The following KAT14 variants were observed in gnomAD, a reference collection of about 807,000 sequenced individuals.
KAT14 encodes the protein cysteine-rich protein 2-binding protein.
Under a neutral mutation model 78.4 loss-of-function variants are expected in KAT14, and 66 were observed. The ratio of observed to expected loss-of-function variants is 0.84; its 90% CI spans 0.69 to 1.03. KAT14 has a LOEUF of 1.03. Ranked by LOEUF, KAT14 falls within the 50% of genes least tolerant of loss-of-function variation. The pLI, the probability that KAT14 is intolerant of heterozygous loss-of-function variation, is 0.00. For synonymous variants in KAT14, 344 were observed against 359.4 expected, an observed-to-expected ratio of 0.96 and a Z score of 0.48; for missense variants, 870 against 972.5, an observed-to-expected ratio of 0.89 and a Z score of 1.40.
intron 1 of KAT14, among the ~76,000 whole-genome samples, chr20:18,140,101 C>T (rs935524983): frequency 2.6e-5 from 4 of 152,018 alleles, no homozygotes; most frequent in Admixed American, 2.6e-4. Flanking sequence ...ATCATAAGCA[C>T]ACGTGACATC....
intron 7 of KAT14, among the ~76,000 whole-genome samples, chr20:18,180,363 C>G (rs1354888344): frequency 6.6e-6 from 1 of 152,210 alleles, no homozygotes; most frequent in African/African-American, 2.4e-5. Context: ...CCACCTCAGC[C>G]TGGACCTTAT....
intron 7 of KAT14, among the ~76,000 whole-genome samples, chr20:18,164,919 G>A (rs1461166790): frequency 1.3e-5 from 2 of 152,038 alleles, no homozygotes; most frequent in Admixed American, 6.5e-5. Flanking sequence ...ATTGCGCCTG[G>A]CCAATATTCA....
intron 1 of KAT14, among the ~76,000 whole-genome samples, chr20:18,141,825 G>A (rs1176748831): frequency 1.1e-4 from 16 of 152,134 alleles, no homozygotes; most frequent in African/African-American, 3.4e-4. Context: ...TGGAGGTTGC[G>A]GTGAGCTGCG....
chr20:18,170,397 G>T (rs2038802424), intron 7 of KAT14, among the ~76,000 whole-genome samples: 1 of 152,092 alleles, frequency 6.6e-6, no homozygotes, highest in South Asian at 2.1e-4. Flanking sequence ...AAATCTTAGG[G>T]CCCTTATAAA....
At chr20:18,150,759 C>T in intron 3 of KAT14, 62 bp from the exon 4 acceptor site, 2 of 1,603,448 alleles carry the variant, frequency 1.2e-6, no homozygotes, top group Non-Finnish European at 8.5e-7. Flanking sequence ...AGCTTTTCCC[C>T]CCTCAAGATT....
At position 18,181,011 on chromosome 20, in the gene KAT14, C is replaced by T. The variant is rs370118751; in HGVS notation, c.1669-699C>T. On this transcript the variant is annotated intron_variant, in intron 7 of 10. Coordinates refer to ENST00000688188, the MANE Select transcript of KAT14 (RefSeq NM_001392073.1). ...ATAACAGAGCAATCATATAATATGA[C>T]TCATGTGTGTGTTACCTACTTGATA... 5.3e-5 allele frequency among the ~76,000 whole-genome samples: 8 copies of T among 152,180 alleles called. 1 individual carries two copies. The South Asian group carries it at 1.7e-3, about 32-fold the overall frequency.
rs1255831857 is a variant in KAT14 at position 18,161,946 on chromosome 20, A to G, written c.806A>G (p.Asp269Gly). Reference protein sequence around the residue: ...EKRSRTQEAKDIRRAQKEAAG... With the variant: ...EKRSRTQEAKGIRRAQKEAAG... ...AGGTCTCGAACTCAGGAAGCAAAAG[A>G]CATTAGAAGAGCCCAGAAGGAGGCC... The change falls in exon 6 of 11, where the codon GAC (aspartate) becomes GGC (glycine). Residue 269 changes from aspartate (D) to glycine (G), a missense_variant. Physicochemically the swap from Asp to Gly is moderately conservative, Grantham distance 94. Coordinates refer to ENST00000688188, the MANE Select transcript of KAT14 (RefSeq NM_001392073.1). 6.2e-7 allele frequency: 1 copy of G among 1,614,276 alleles called. No individual in the cohort carries two copies. The highest frequency in any genetic ancestry group is 2.2e-5 in the East Asian group (1 of 44,890).
At position 18,187,825 on chromosome 20, in the gene KAT14, G is replaced by A. The variant is rs1023188559; in HGVS notation, c.*366G>A. ...AACTTAAAGGATGAGAAAATGTGGT[G>A]TAGCTATTAAAGATTCATGCAGTCC... On this transcript the variant is annotated 3_prime_UTR_variant, in exon 11 of 11. Coordinates refer to ENST00000688188, the MANE Select transcript of KAT14 (RefSeq NM_001392073.1). 7.4e-6 allele frequency: 2 copies of A among 268,670 alleles called. No homozygotes were observed. The highest frequency in any genetic ancestry group is 2.8e-4 in the East Asian group (2 of 7,174). The allele number at this position is 268,670 out of a possible 1,614,324, so 16.6% of individuals were successfully genotyped here. A position where few individuals can be genotyped will look rare whatever the true frequency, so the allele number is the denominator to read the frequency against.
intron 7 of KAT14, among the ~76,000 whole-genome samples, chr20:18,170,587 TGCAGTGGC>T (rs1432253130): frequency 2.0e-5 from 3 of 152,226 alleles, no homozygotes; most frequent in African/African-American, 7.2e-5. Context: ...CAGGCTGGAG[TGCAGTGGC>T]GCAATCTCGG....
At position 18,142,415 on chromosome 20, in the gene KAT14, G is replaced by A; in HGVS notation, c.-246G>A. 1.3e-6 allele frequency: 2 copies of A among 1,505,850 alleles called. No individual in the cohort carries two copies. Among genetic ancestry groups the A allele is most frequent in the Non-Finnish European group, 1.8e-6 (2 of 1,130,772 alleles). The allele number at this position is 1,505,850 out of a possible 1,614,324, so 93.3% of individuals were successfully genotyped here. A position where few individuals can be genotyped will look rare whatever the true frequency, so the allele number is the denominator to read the frequency against. On this transcript the variant is annotated 5_prime_UTR_variant, in exon 2 of 11. Coordinates refer to ENST00000688188, the MANE Select transcript of KAT14 (RefSeq NM_001392073.1). ...ACGAGTTTGTGTGTGTGTGTTGATG[G>A]AGAGTAGCTTAGTAGTATCTTCATC...
chr20:18,177,557 G>A (rs2039091822), intron 7 of KAT14, among the ~76,000 whole-genome samples: 1 of 152,148 alleles, frequency 6.6e-6, no homozygotes, highest in Admixed American at 6.5e-5. Flanking sequence ...CCTTGAAACT[G>A]ACTTTAAGCC....
At chr20:18,170,909 G>A (rs944798385) in intron 7 of KAT14, among the ~76,000 whole-genome samples, 11 of 152,158 alleles carry the variant, frequency 7.2e-5, no homozygotes, top group Non-Finnish European at 1.0e-4. Flanking sequence ...CTGATTGAGA[G>A]GTTTAAGATT....
intron 3 of KAT14, among the ~76,000 whole-genome samples, chr20:18,146,110 C>T (rs747282962): frequency 2.0e-5 from 3 of 152,198 alleles, no homozygotes; most frequent in Non-Finnish European, 4.4e-5. Context: ...GCACCCTAAT[C>T]TAAGTCAGCT....
rs1424339154 is a variant in KAT14, at chr20:18,138,066, A to G, written c.-454+15A>G. The G allele has an allele frequency of 2.7e-6, 4 of 1,464,656 alleles. No homozygotes were observed. The highest frequency in any genetic ancestry group is 1.5e-5 in the African/African-American group (1 of 67,786). 90.7% of individuals were successfully genotyped at this position (1,464,656 alleles called of 1,614,324 possible). A position where few individuals can be genotyped will look rare whatever the true frequency, so the allele number is the denominator to read the frequency against. On this transcript the variant is annotated intron_variant, in intron 1 of 10. Transcript: ENST00000688188. ...GGGACCAGCAGGTCGGTGTCACGTG[A>G]CCGTCTCTTCCGGGCCCGCGCGCGC...
intron 7 of KAT14, among the ~76,000 whole-genome samples, chr20:18,179,796 G>A (rs1267615259): frequency 2.0e-5 from 3 of 152,194 alleles, no homozygotes; most frequent in Non-Finnish European, 2.9e-5. Flanking sequence ...TTGTCAGGCT[G>A]CAACTTTTCT....
chr20:18,162,806 T>C lies in KAT14; in HGVS notation c.1529T>C (p.Leu510Ser). Reference sequence around the variant, plus strand: ...GATAGGGGATTACCACTTTTTGACTTGGATCAAGTTGTTAATGCTGCTCTT... The same window carrying C: ...GATAGGGGATTACCACTTTTTGACTCGGATCAAGTTGTTAATGCTGCTCTT... The part of the protein sequence containing the change: ...KRDRGLPLFD[L>S]DQVVNAALLL... Residue 510 changes from leucine to serine, a missense_variant, in exon 7 of 11, where the codon TTG becomes TCG. Coordinates refer to ENST00000688188, the MANE Select transcript of KAT14 (RefSeq NM_001392073.1). 1 of 1,614,234 alleles carries C rather than the reference T, an allele frequency of 6.2e-7. No individual in the cohort carries two copies. Among genetic ancestry groups the C allele is most frequent in the South Asian group, 1.1e-5 (1 of 91,090 alleles).
At position 18,164,611 on chromosome 20, in the gene KAT14, C is replaced by CT. The variant is rs1568669495; in HGVS notation, c.1668+1668dup. On this transcript the variant is annotated intron_variant, in intron 7 of 10. Coordinates refer to ENST00000688188, the MANE Select transcript of KAT14 (RefSeq NM_001392073.1). Reference sequence around the variant, plus strand: ...TTTGTTAGTCATCTATTCACTTGTTCTTGTTCTTTTTTTTTTTTTTTTTGA... The same window carrying CT: ...TTTGTTAGTCATCTATTCACTTGTTCTTTGTTCTTTTTTTTTTTTTTTTTGA... 4.7e-5 allele frequency among the ~76,000 whole-genome samples: 2 copies of CT among 42,492 alleles called. 1 individual carries two copies. Among genetic ancestry groups the CT allele is most frequent in the Non-Finnish European group, 1.1e-4 (2 of 17,942 alleles). 27.9% of individuals were successfully genotyped at this position (42,492 alleles called of 152,430 possible).
Position 18,142,352 on chromosome 20 carries a change from T to G in KAT14, c.-309T>G. 1 of 1,536,026 alleles carries G rather than the reference T, an allele frequency of 6.5e-7. No homozygotes were observed. The highest frequency in any genetic ancestry group is 1.2e-5 in the South Asian group (1 of 83,940). The stretch of plus-strand genomic sequence containing the variant: ...GTTATTGGCAAAAGGATCTCAAAAA[T>G]CATGACTTGAATGTGAAATATCTGT... On this transcript the variant is annotated 5_prime_UTR_variant, in exon 2 of 11. Transcript: ENST00000688188.
Position 18,138,046 on chromosome 20 carries a change from C to T in KAT14, c.-459C>T, listed in dbSNP as rs1285449649. On this transcript the variant is annotated 5_prime_UTR_variant, in exon 1 of 11. An upstream open reading frame in the 5' UTR gains an earlier in-frame stop. Coordinates refer to ENST00000688188, the MANE Select transcript of KAT14 (RefSeq NM_001392073.1). The stretch of plus-strand genomic sequence containing the variant: ...CGTACATGTGAAGCAGCAGTGGGAC[C>T]AGCAGGTCGGTGTCACGTGACCGTC... 6 of 1,484,202 alleles carry T rather than the reference C, an allele frequency of 4.0e-6. No individual in the cohort carries two copies. In the African/African-American group the frequency reaches 5.8e-5, roughly 14 times the overall value. The allele number at this position is 1,484,202 out of a possible 1,614,324, so 91.9% of individuals were successfully genotyped here. A position where few individuals can be genotyped will look rare whatever the true frequency, so the allele number is the denominator to read the frequency against.
Sources: gnomAD v4.1 joint callset for allele counts (sites outside exome capture counted in the v4.1 genomes callset) on GRCh38, gnomAD v4.1.1 for gene constraint, MANE v1.5 for transcripts, NCBI Gene and HGNC (gene_info 2026-07-23, HGNC 2026-07-21) for gene names.